Variants in ADGRG7 observed in about 807,000 individuals in gnomAD.
ADGRG7 encodes G-protein coupled receptor 128.
Under a neutral mutation model 88.6 loss-of-function variants are expected in ADGRG7, and 82 were observed. That is an observed-to-expected ratio of 0.93 (90% CI 0.77 to 1.11). The LOEUF (loss-of-function observed/expected upper bound fraction) is 1.11, where lower values mean the gene tolerates loss of function less well. ADGRG7 is among the 50% of genes most tolerant of loss of function. The pLI is 0.00. For synonymous variants in ADGRG7, 381 were observed against 345.2 expected (o/e 1.10, Z -1.15); for missense variants, 945 against 953.4 (o/e 0.99, Z 0.12).
intron 13 of ADGRG7, among the ~76,000 whole-genome samples, chr3:100,658,914 T>C (rs1347329749): frequency 2.6e-5 from 4 of 152,180 alleles, no homozygotes; most frequent in Non-Finnish European, 5.9e-5. Flanking sequence ...GTCTAGCACA[T>C]AATATGTACT....
At chr3:100,670,322 T>A (rs1167528385) in intron 15 of ADGRG7, among the ~76,000 whole-genome samples, 2 of 152,220 alleles carry the variant, frequency 1.3e-5, no homozygotes, top group African/African-American at 4.8e-5. Flanking sequence ...CCATCCATGT[T>A]GTTACAAATG....
chr3:100,662,920 T>C (rs2094947391), intron 14 of ADGRG7, among the ~76,000 whole-genome samples: 3 of 152,144 alleles, frequency 2.0e-5, no homozygotes, highest in Admixed American at 1.3e-4. Flanking sequence ...ATGCAAAATT[T>C]AGTAAGATGA....
rs780986641 is a variant in ADGRG7, at chr3:100,643,278, A to T, written c.711A>T (p.Gln237His). 8 of 1,613,372 alleles carry T rather than the reference A, an allele frequency of 5.0e-6. No homozygotes were observed. In the South Asian group the frequency reaches 8.8e-5, roughly 18 times the overall value. Residue 237 changes from glutamine (Q) to histidine (H), a missense_variant, in exon 7 of 16, where the codon CAA becomes CAT. Physicochemically the swap from Gln to His is conservative, Grantham distance 24. Transcript: ENST00000273352. ...TTATTATATGCAGGCTTATTGAGCA[A>T]ATGGAGACTTATTCCTTGTCTTTGG... ...NDDALTTLIE[Q>H]METYSLSLGN...
chr3:100,690,687 T>C (rs1408498172), intron 15 of ADGRG7, among the ~76,000 whole-genome samples: 1 of 151,962 alleles, frequency 6.6e-6, no homozygotes, highest in Admixed American at 6.5e-5. Context: ...ACAGTGGATA[T>C]TGGTGAACCG....
At chr3:100,611,897 C>T (rs1707159846) in intron 1 of ADGRG7, among the ~76,000 whole-genome samples, 1 of 152,208 alleles carries the variant, frequency 6.6e-6, no homozygotes, top group South Asian at 2.1e-4. Context: ...TATCCTATCC[C>T]ATCCCATCCT....
At chr3:100,653,220 G>T (rs1441993962) in intron 11 of ADGRG7, among the ~76,000 whole-genome samples, 3 of 152,100 alleles carry the variant, frequency 2.0e-5, no homozygotes, top group African/African-American at 7.2e-5. Flanking sequence ...GTAACAATAG[G>T]CCATGAAACA....
At chr3:100,676,229 G>T (rs1026739925) in intron 15 of ADGRG7, among the ~76,000 whole-genome samples, 1 of 151,554 alleles carries the variant, frequency 6.6e-6, no homozygotes. Context: ...TTTGATGTGG[G>T]CACTTATTGC....
chr3:100,654,738 C>A (rs768880294), intron 11 of ADGRG7, 97 bp from the exon 12 acceptor site: 64 of 716,876 alleles, frequency 8.9e-5, no homozygotes, highest in Non-Finnish European at 1.2e-4. Flanking sequence ...TTACATTGGG[C>A]AATAATATTC....
At chr3:100,648,371 A>T (rs1707792481) in intron 10 of ADGRG7, among the ~76,000 whole-genome samples, 1 of 152,174 alleles carries the variant, frequency 6.6e-6, no homozygotes, top group Non-Finnish European at 1.5e-5. Flanking sequence ...CTGAAGACCT[A>T]TGAATCTTAC....
Position 100,629,707 on chromosome 3 carries a change from A to T in ADGRG7, c.225A>T (p.Thr75=), listed in dbSNP as rs374031556. The change falls in exon 2 of 16, where the codon ACA becomes ACT. Residue 75 remains threonine (T), a synonymous_variant. Transcript: ENST00000273352. Reference sequence around the variant, plus strand: ...AAGAGTGGAAAGGACTGAGATGTACAATTGGTAAATTACTTGGGATAATGC... The same window carrying T: ...AAGAGTGGAAAGGACTGAGATGTACTATTGGTAAATTACTTGGGATAATGC... ...CTEEWKGLRC[T]IANFCENSTY... is the part of the protein sequence containing the mutation. The T allele has an allele frequency of 6.3e-7, 1 of 1,592,392 alleles. No individual in the cohort carries two copies. The highest frequency in any genetic ancestry group is 1.3e-5 in the African/African-American group (1 of 74,550).
intron 15 of ADGRG7, among the ~76,000 whole-genome samples, chr3:100,687,801 G>T (rs1037415016): frequency 1.6e-4 from 24 of 152,078 alleles, no homozygotes; most frequent in Non-Finnish European, 2.8e-4. Flanking sequence ...GAGGATTTTT[G>T]CATCGATGTT....
intron 15 of ADGRG7, among the ~76,000 whole-genome samples, chr3:100,688,330 C>G (rs935547543): frequency 1.3e-5 from 2 of 152,092 alleles, no homozygotes; most frequent in Admixed American, 6.6e-5. Context: ...AAAACCAGCT[C>G]CTGGATTCAT....
chr3:100,669,577 A>G (rs182526674), intron 15 of ADGRG7, among the ~76,000 whole-genome samples: 267 of 146,718 alleles, frequency 1.8e-3, no homozygotes, highest in Non-Finnish European at 3.2e-3. Flanking sequence ...GTGGGTACAT[A>G]GTAGGTGTAT....
At chr3:100,662,549 CCTGAGA>C (rs1301018149) in intron 14 of ADGRG7, among the ~76,000 whole-genome samples, 4 of 152,078 alleles carry the variant, frequency 2.6e-5, no homozygotes, top group Non-Finnish European at 4.4e-5. Context: ...AGCATAGTAA[CCTGAGA>C]AGTTTTCTTC....
At position 100,684,061 on chromosome 3, in the gene ADGRG7, C is replaced by T. The variant is rs531544398; in HGVS notation, c.2137-10683C>T. On this transcript the variant is annotated intron_variant, in intron 15 of 15. Transcript: ENST00000273352. Reference sequence around the variant, plus strand: ...CAATATAACAAGTCTCTCAGTCCCACTTCATCTTGAAATCTGATTTTCTGT... The same window carrying T: ...CAATATAACAAGTCTCTCAGTCCCATTTCATCTTGAAATCTGATTTTCTGT... Among the ~76,000 whole-genome samples, 7 of 152,264 alleles carry T rather than the reference C, an allele frequency of 4.6e-5. No individual in the cohort carries two copies. The East Asian group carries it at 1.3e-3, about 29-fold the overall frequency.
chr3:100,645,081 A>G (rs1707719442), intron 8 of ADGRG7, among the ~76,000 whole-genome samples: 1 of 152,210 alleles, frequency 6.6e-6, no homozygotes, highest in African/African-American at 2.4e-5. Flanking sequence ...CTCACACCAC[A>G]ATGTTTTCCT....
At chr3:100,626,845 C>T in intron 1 of ADGRG7, among the ~76,000 whole-genome samples, 1 of 152,214 alleles carries the variant, frequency 6.6e-6, no homozygotes, top group East Asian at 1.9e-4. Context: ...AGATTTATTT[C>T]CAAGAATTTT....
Position 100,630,758 on chromosome 3 carries a change from G to T in ADGRG7, c.283G>T (p.Val95Leu). Reference protein sequence around the residue: ...YMGFTFARIPVGRYGPSLQTC... With the variant: ...YMGFTFARIPLGRYGPSLQTC... The stretch of plus-strand genomic sequence containing the variant: ...GGGTTTTACTTTTGCCAGAATCCCA[G>T]TGGGCAGATATGGACCATCCTTGCA... Residue 95 changes from valine to leucine, a missense_variant, in exon 3 of 16, where the codon GTG becomes TTG. Coordinates refer to ENST00000273352, the MANE Select transcript of ADGRG7 (RefSeq NM_032787.3). 6.7e-7 allele frequency: 1 copy of T among 1,485,482 alleles called. No individual in the cohort carries two copies. Among genetic ancestry groups the T allele is most frequent in the Non-Finnish European group, 8.9e-7 (1 of 1,119,088 alleles). 92.0% of individuals were successfully genotyped at this position (1,485,482 alleles called of 1,614,324 possible). A position where few individuals can be genotyped will look rare whatever the true frequency, so the allele number is the denominator to read the frequency against.
At chr3:100,682,639 C>A (rs780466662) in intron 15 of ADGRG7, among the ~76,000 whole-genome samples, 4 of 152,208 alleles carry the variant, frequency 2.6e-5, no homozygotes, top group Non-Finnish European at 4.4e-5. Context: ...CAGGCTGCCC[C>A]TGAGTGCTGG....
Sources: gnomAD v4.1 joint callset for allele counts (sites outside exome capture counted in the v4.1 genomes callset) on GRCh38, gnomAD v4.1.1 for gene constraint, MANE v1.5 for transcripts, NCBI Gene and HGNC (gene_info 2026-07-23, HGNC 2026-07-21) for gene names.